The following SLC35F1 variants were observed in gnomAD, a reference collection of about 807,000 sequenced individuals.
SLC35F1 encodes the protein solute carrier family 35 member F1, also known as chromosome 6 open reading frame 169.
A neutral mutation model predicts 48.7 loss-of-function variants in SLC35F1; 14 were observed. The ratio of observed to expected loss-of-function variants is 0.29; its 90% CI spans 0.19 to 0.45. The LOEUF is 0.45. SLC35F1 is among the 20% of genes least tolerant of loss of function. SLC35F1 has a pLI of 1.00. For synonymous variants in SLC35F1, 190 were observed against 202.2 expected (o/e 0.94, Z 0.51); for missense variants, 404 against 500.0 (o/e 0.81, Z 1.83).
chr6:118,158,992 G>A (rs917810922), intron 2 of SLC35F1, among the ~76,000 whole-genome samples: 1 of 151,630 alleles, frequency 6.6e-6, no homozygotes, highest in Non-Finnish European at 1.5e-5. Flanking sequence ...AGGCCAAGGC[G>A]GGCAGACCAC....
intron 7 of SLC35F1, among the ~76,000 whole-genome samples, chr6:118,303,135 C>A (rs1776273841): frequency 6.6e-6 from 1 of 152,100 alleles, no homozygotes; most frequent in Non-Finnish European, 1.5e-5. Flanking sequence ...ATATAGAATT[C>A]CAATACTGAT....
In SLC35F1 at chr6:118,297,639, A is replaced by ATATATAT. The variant is rs1311369629; in HGVS notation, c.1002+12301_1002+12302insTATATAT. On this transcript the variant is annotated intron_variant, in intron 7 of 7. Coordinates refer to ENST00000360388, the MANE Select transcript of SLC35F1 (RefSeq NM_001029858.4). ...CTCAGAACTTATATATATATATATA[A>ATATATAT]AAAATATATATATAATATATATAAT... Among the ~76,000 whole-genome samples the ATATATAT allele has an allele frequency of 4.3e-4, 52 of 120,870 alleles. 1 individual carries two copies. The highest frequency in any genetic ancestry group is 1.8e-3 in the African/African-American group (50 of 27,514). The allele number at this position is 120,870 out of a possible 152,430, so 79.3% of individuals were successfully genotyped here.
At chr6:118,113,533 C>T (rs1006750369) in intron 1 of SLC35F1, among the ~76,000 whole-genome samples, 1 of 152,132 alleles carries the variant, frequency 6.6e-6, no homozygotes, top group Non-Finnish European at 1.5e-5. Context: ...TTCACTTTTG[C>T]TGTGAACCTC....
At chr6:117,939,037 C>T (rs1372058897) in intron 1 of SLC35F1, among the ~76,000 whole-genome samples, 1 of 149,228 alleles carries the variant, frequency 6.7e-6, no homozygotes, top group East Asian at 2.0e-4. Flanking sequence ...CGGAGACAGC[C>T]TCCTGCTATG....
intron 1 of SLC35F1, among the ~76,000 whole-genome samples, chr6:118,019,756 TAAG>T (rs1777370213): frequency 6.6e-6 from 1 of 152,264 alleles, no homozygotes; most frequent in South Asian, 2.1e-4. Flanking sequence ...GCGAATATAT[TAAG>T]GAGGGAGAAG....
chr6:118,117,554 C>T (rs905161631), intron 1 of SLC35F1, among the ~76,000 whole-genome samples: 3 of 152,130 alleles, frequency 2.0e-5, no homozygotes, highest in Admixed American at 1.3e-4. Flanking sequence ...AGTAAGTTGA[C>T]ACAATAGTCC....
intron 1 of SLC35F1, among the ~76,000 whole-genome samples, chr6:118,104,628 C>A (rs1224505839): frequency 3.3e-5 from 5 of 152,188 alleles, no homozygotes; most frequent in Middle Eastern, 3.4e-3. Flanking sequence ...AATAATGTGG[C>A]CCCTAATGTG....
intron 2 of SLC35F1, among the ~76,000 whole-genome samples, chr6:118,194,907 C>G (rs1480298487): frequency 6.6e-6 from 1 of 151,870 alleles, no homozygotes; most frequent in African/African-American, 2.4e-5. Context: ...TTTTTCCCCT[C>G]TCTGTTTCAT....
At chr6:118,303,547 A>G (rs1308935834) in intron 7 of SLC35F1, among the ~76,000 whole-genome samples, 1 of 152,040 alleles carries the variant, frequency 6.6e-6, no homozygotes, top group East Asian at 1.9e-4. Flanking sequence ...TCACACCTCC[A>G]CCTTCCTTAG....
At chr6:118,000,898 T>C (rs1281490898) in intron 1 of SLC35F1, among the ~76,000 whole-genome samples, 20 of 152,144 alleles carry the variant, frequency 1.3e-4, no homozygotes, top group Non-Finnish European at 2.9e-5. Flanking sequence ...ACAGGGGACA[T>C]GAATGACCTC....
At chr6:118,116,077 C>T (rs185729507) in intron 1 of SLC35F1, among the ~76,000 whole-genome samples, 1 of 152,210 alleles carries the variant, frequency 6.6e-6, no homozygotes, top group East Asian at 1.9e-4. Flanking sequence ...AAACTTGGTG[C>T]CTTGATAAAA....
chr6:118,245,691 A>T (rs910922059), intron 3 of SLC35F1, among the ~76,000 whole-genome samples: 3 of 152,194 alleles, frequency 2.0e-5, no homozygotes, highest in Non-Finnish European at 2.9e-5. Flanking sequence ...CTCAGGCAGG[A>T]TACACAGATG....
chr6:118,270,967 A>G (rs1007237783), intron 4 of SLC35F1, among the ~76,000 whole-genome samples: 1 of 152,198 alleles, frequency 6.6e-6, no homozygotes, highest in Non-Finnish European at 1.5e-5. Context: ...TCCTTTTCTA[A>G]CACAATACAT....
chr6:118,057,093 C>G (rs568208305), intron 1 of SLC35F1, among the ~76,000 whole-genome samples: 1 of 152,214 alleles, frequency 6.6e-6, no homozygotes, highest in African/African-American at 2.4e-5. Context: ...GGAGTGATTA[C>G]CTCTGCCCCA....
At chr6:118,054,809 C>T (rs758303310) in intron 1 of SLC35F1, among the ~76,000 whole-genome samples, 4 of 151,134 alleles carry the variant, frequency 2.6e-5, no homozygotes, top group African/African-American at 4.9e-5. Flanking sequence ...CACGGAGTCT[C>T]GCTGTGTCAC....
At chr6:118,129,874 G>C (rs1277546438) in intron 1 of SLC35F1, among the ~76,000 whole-genome samples, 1 of 152,108 alleles carries the variant, frequency 6.6e-6, no homozygotes, top group Non-Finnish European at 1.5e-5. Flanking sequence ...AGCTGTAAAA[G>C]CCATATGATA....
intron 1 of SLC35F1, among the ~76,000 whole-genome samples, chr6:118,125,408 T>C (rs1334840): frequency 0.34 from 51,099 of 150,476 alleles, 9,574 homozygotes; most frequent in Non-Finnish European, 0.43. Context: ...ACTATAGACG[T>C]AGGTTGACAT....
intron 3 of SLC35F1, among the ~76,000 whole-genome samples, chr6:118,240,459 C>T (rs1775423990): frequency 6.6e-6 from 1 of 152,146 alleles, no homozygotes; most frequent in Admixed American, 6.5e-5. Flanking sequence ...AATACAGTCA[C>T]TTCAAAAGTA....
At chr6:118,067,154 T>C (rs1772628044) in intron 1 of SLC35F1, among the ~76,000 whole-genome samples, 1 of 152,172 alleles carries the variant, frequency 6.6e-6, no homozygotes, top group South Asian at 2.1e-4. Flanking sequence ...AAAAGAATCA[T>C]GGATCACTGG....
Sources: allele counts gnomAD v4.1 joint callset (sites outside exome capture counted in the v4.1 genomes callset), GRCh38; gene constraint gnomAD v4.1.1; transcripts MANE v1.5; gene names NCBI Gene and HGNC (gene_info 2026-07-23, HGNC 2026-07-21).